Variants in NHEJ1 observed in about 807,000 individuals in gnomAD.
The protein encoded by NHEJ1 is non-homologous end joining factor 1, also known as non-homologous end-joining factor 1.
NHEJ1 carries 22 observed loss-of-function variants against 39.4 expected under a neutral mutation model. The ratio of observed to expected loss-of-function variants is 0.56; its 90% CI spans 0.40 to 0.80. The LOEUF is 0.80. Among genes scored for constraint, NHEJ1 ranks in the 30% least tolerant of loss-of-function variants. NHEJ1 has a pLI of 0.00. For missense variants in NHEJ1, 329 were observed against 357.1 expected (o/e 0.92, Z 0.63); for synonymous variants, 154 against 135.6 (o/e 1.14, Z -0.94).
chr2:219,092,866 A>T (rs1949173840), intron 5 of NHEJ1, among the ~76,000 whole-genome samples: 1 of 152,234 alleles, frequency 6.6e-6, no homozygotes, highest in Non-Finnish European at 1.5e-5. Context: ...TCCCAGAGAA[A>T]GAAGCTGCCT....
intron 5 of NHEJ1, among the ~76,000 whole-genome samples, chr2:219,115,970 A>T (rs1281948465): frequency 6.6e-6 from 1 of 152,030 alleles, no homozygotes; most frequent in Non-Finnish European, 1.5e-5. Context: ...AAATATAAAA[A>T]TTCGCTGGGC....
chr2:219,093,307 C>A (rs751231351), intron 5 of NHEJ1, among the ~76,000 whole-genome samples: 1 of 152,054 alleles, frequency 6.6e-6, no homozygotes. Flanking sequence ...CCAGAGGAAA[C>A]GGAGCAGGAT....
At chr2:219,107,161 G>T (rs1949322006) in intron 5 of NHEJ1, among the ~76,000 whole-genome samples, 1 of 152,188 alleles carries the variant, frequency 6.6e-6, no homozygotes, top group Non-Finnish European at 1.5e-5. Context: ...TATGATATAT[G>T]CAAGAGAAAG....
chr2:219,160,586 C>T (rs3731890), intron 1 of NHEJ1, 134 bp downstream of exon 1: 75,204 of 151,322 alleles, frequency 0.5, 20,955 homozygotes, highest in Non-Finnish European at 0.63. Context: ...ACCCCTCCCC[C>T]GGAGGCCTGC....
At chr2:219,138,068 C>T (rs1307869107) in intron 5 of NHEJ1, among the ~76,000 whole-genome samples, 5 of 152,082 alleles carry the variant, frequency 3.3e-5, no homozygotes, top group African/African-American at 7.2e-5. Context: ...TTTTACGATG[C>T]CCACATGGAC....
At chr2:219,119,075 C>T (rs1057059592) in intron 5 of NHEJ1, among the ~76,000 whole-genome samples, 1 of 152,202 alleles carries the variant, frequency 6.6e-6, no homozygotes, top group Non-Finnish European at 1.5e-5. Context: ...GCATCCCAAC[C>T]AGTACCTGCA....
chr2:219,078,074 CTCTGGAGGG>C lies in NHEJ1; in HGVS notation c.706+6_706+14del, dbSNP rs1263548443. ...TTGTATCCTCACACAGACCGGGTAC[CTCTGGAGGG>C]CTCACCAGCGCCTTGATGCTTCTGT... On this transcript the variant is annotated splice_donor_region_variant and intron_variant, in intron 6 of 7. Coordinates refer to ENST00000356853, the MANE Select transcript of NHEJ1 (RefSeq NM_024782.3). 3.2e-6 allele frequency: 5 copies of C among 1,586,388 alleles called. No homozygotes were observed. In the African/African-American group the frequency reaches 6.7e-5, roughly 21 times the overall value.
At chr2:219,141,212 T>G (rs1284006271) in intron 5 of NHEJ1, among the ~76,000 whole-genome samples, 1 of 152,062 alleles carries the variant, frequency 6.6e-6, no homozygotes, top group Non-Finnish European at 1.5e-5. Context: ...AAACTCCATC[T>G]CTACAAAAAA....
chr2:219,114,430 T>A (rs1949392137), intron 5 of NHEJ1, among the ~76,000 whole-genome samples: 1 of 152,220 alleles, frequency 6.6e-6, no homozygotes, highest in African/African-American at 2.4e-5. Flanking sequence ...CCTTTTAGAA[T>A]GTCTTGGCCT....
rs35270667 is a variant in NHEJ1 at position 219,077,304 on chromosome 2, T to A, written c.767A>T (p.Gln256Leu). The change falls in exon 7 of 8, where the codon CAG becomes CTG. Residue 256 changes from glutamine (Q) to leucine (L), a missense_variant. Transcript: ENST00000356853. Reference protein sequence around the residue: ...LQGIDSQCVNQPEQLVSSAPT... With the variant: ...LQGIDSQCVNLPEQLVSSAPT... ...GGCTGAGGAGACCAGTTGTTCTGGC[T>A]GGTTTACACATTGGCTATCGATTCC... is the stretch of plus-strand genomic sequence containing the variant. 1.8e-3 allele frequency: 2,929 copies of A among 1,614,124 alleles called. 47 individuals carry two copies. In the African/African-American group the frequency reaches 0.035, roughly 19 times the overall value.
At chr2:219,147,295 CATGGTGAAACCCCGTCTAT>C (rs1949750191) in intron 4 of NHEJ1, among the ~76,000 whole-genome samples, 1 of 152,164 alleles carries the variant, frequency 6.6e-6, no homozygotes, top group Non-Finnish European at 1.5e-5. Flanking sequence ...GCCTGACCAA[CATGGTGAAACCCCGTCTAT>C]ATTAAAAATA....
rs146246338 is a variant in NHEJ1 at position 219,148,068 on chromosome 2, G to A, written c.391-273C>T. 1.2e-4 allele frequency among the ~76,000 whole-genome samples: 19 copies of A among 152,308 alleles called. No homozygotes were observed. The East Asian group carries it at 3.7e-3, about 29-fold the overall frequency. On this transcript the variant is annotated intron_variant, in intron 3 of 7. Transcript: ENST00000356853. ...GAGGTCAGGAGTTTGACACAAGCACGGCCAACATGGCCAAACCCTATCTCT... is the reference window on the plus strand; with the variant it reads ...GAGGTCAGGAGTTTGACACAAGCACAGCCAACATGGCCAAACCCTATCTCT...
At chr2:219,136,307 G>C (rs1234841440) in intron 5 of NHEJ1, among the ~76,000 whole-genome samples, 1 of 112,078 alleles carries the variant, frequency 8.9e-6, no homozygotes, top group African/African-American at 3.4e-5. Flanking sequence ...TTTTTTTTTA[G>C]AGACAAGGTC....
chr2:219,103,745 T>C lies in NHEJ1; in HGVS notation c.589-25539A>G, dbSNP rs1373088230. On this transcript the variant is annotated intron_variant, in intron 5 of 7. Transcript: ENST00000356853. The stretch of plus-strand genomic sequence containing the variant: ...AACTCTAAAGAGAACATTATCCCTA[T>C]TTTACACCAAAATAAACTGGAGCCA... Among the ~76,000 whole-genome samples the C allele has an allele frequency of 7.9e-5, 12 of 152,194 alleles. No homozygotes were observed. In the East Asian group the frequency reaches 2.3e-3, roughly 29 times the overall value.
chr2:219,100,581 A>G (rs1949247343), intron 5 of NHEJ1, among the ~76,000 whole-genome samples: 1 of 151,528 alleles, frequency 6.6e-6, no homozygotes, highest in South Asian at 2.1e-4. Context: ...ACTGAACTCC[A>G]GCCTGGGCGA....
In NHEJ1 at chr2:219,075,013, A is replaced by C. The variant is rs1480248425; in HGVS notation, c.*1368T>G. Among the ~76,000 whole-genome samples the C allele has an allele frequency of 6.6e-6, 1 of 152,222 alleles. No individual in the cohort carries two copies. The highest frequency in any genetic ancestry group is 1.5e-5 in the Non-Finnish European group (1 of 68,044). On this transcript the variant is annotated 3_prime_UTR_variant, in exon 8 of 8. Transcript: ENST00000356853. ...CTGGGGAGCAGACATCCTATTGAAA[A>C]GAGGCAAGGTCATGGGATAAGGAGG...
At chr2:219,144,344 A>G (rs1949716486) in intron 5 of NHEJ1, among the ~76,000 whole-genome samples, 1 of 152,202 alleles carries the variant, frequency 6.6e-6, no homozygotes, top group Non-Finnish European at 1.5e-5. Context: ...CCTTGCCTCA[A>G]AGAGTCCACA....
intron 5 of NHEJ1, among the ~76,000 whole-genome samples, chr2:219,089,484 C>T (rs951079581): frequency 9.9e-5 from 15 of 152,282 alleles, no homozygotes; most frequent in African/African-American, 2.6e-4. Flanking sequence ...AAGCCAGACA[C>T]GAAAGACCAC....
At chr2:219,142,173 T>C (rs906698992) in intron 5 of NHEJ1, among the ~76,000 whole-genome samples, 1 of 152,108 alleles carries the variant, frequency 6.6e-6, no homozygotes, top group Admixed American at 6.5e-5. Flanking sequence ...TTAAGACTTA[T>C]AAGGCATTCA....
Sources: allele counts gnomAD v4.1 joint callset (sites outside exome capture counted in the v4.1 genomes callset), GRCh38; gene constraint gnomAD v4.1.1; transcripts MANE v1.5; gene names NCBI Gene and HGNC (gene_info 2026-07-23, HGNC 2026-07-21).